GALNT4: variants seen among roughly 807,000 people sequenced by gnomAD.
The protein encoded by GALNT4 is UDP-GalNAc:polypeptide N-acetylgalactosaminyltransferase 4.
A neutral mutation model predicts 45.1 loss-of-function variants in GALNT4; 23 were observed. That is an observed-to-expected ratio of 0.51 (90% CI 0.37 to 0.72). The LOEUF (loss-of-function observed/expected upper bound fraction) is 0.72. GALNT4 is among the 30% of genes least tolerant of loss of function. The pLI is 0.00. For synonymous variants in GALNT4, 264 were observed against 257.6 expected (o/e 1.02, Z -0.24); for missense variants, 757 against 709.0 (o/e 1.07, Z -0.77).
Position 89,522,738 on chromosome 12 carries a change from T to C in GALNT4, c.*75A>G, listed in dbSNP as rs1870989003. 2 of 1,497,844 alleles carry C rather than the reference T, an allele frequency of 1.3e-6. No individual in the cohort carries two copies. Among genetic ancestry groups the C allele is most frequent in the Non-Finnish European group, 1.8e-6 (2 of 1,125,032 alleles). The allele number at this position is 1,497,844 out of a possible 1,614,324, so 92.8% of individuals were successfully genotyped here. A position where few individuals can be genotyped will look rare whatever the true frequency, so the allele number is the denominator to read the frequency against. On this transcript the variant is annotated 3_prime_UTR_variant, in exon 1 of 1. Transcript: ENST00000529983. ...TGGCTTTTGATAAAATAAAATACAA[T>C]CTTCACTGAGGCTCTTAAGGCTCTT...
Position 89,522,018 on chromosome 12 carries a change from T to C in GALNT4, c.*795A>G, listed in dbSNP as rs1223484978. On this transcript the variant is annotated 3_prime_UTR_variant, in exon 1 of 1. Transcript: ENST00000529983. Reference sequence around the variant, plus strand: ...TCTGGATGAGTCCCTTTCTAGTACATTCATAACTTAAGGAAGTGCAATCAG... The same window carrying C: ...TCTGGATGAGTCCCTTTCTAGTACACTCATAACTTAAGGAAGTGCAATCAG... The C allele has an allele frequency of 3.8e-5, 15 of 398,818 alleles. No individual in the cohort carries two copies. In the East Asian group the frequency reaches 5.0e-4, roughly 13 times the overall value. The allele number at this position is 398,818 out of a possible 1,614,324, so 24.7% of individuals were successfully genotyped here.
rs1870759830 is a variant in GALNT4, at chr12:89,520,510, TA to T, written c.*2302del. 1 of 152,178 alleles carries T rather than the reference TA, an allele frequency of 6.6e-6. No homozygotes were observed. Among genetic ancestry groups the T allele is most frequent in the Admixed American group, 6.5e-5 (1 of 15,284 alleles). 9.4% of individuals were successfully genotyped at this position (152,178 alleles called of 1,614,324 possible). A position where few individuals can be genotyped will look rare whatever the true frequency, so the allele number is the denominator to read the frequency against. ...TTCGAAAAATTCAGAGCATTATTAT[TA>T]ATCCTTCTTAAATTAAATGCAGGGC... On this transcript the variant is annotated 3_prime_UTR_variant, in exon 1 of 1. Coordinates refer to ENST00000529983, the MANE Select transcript of GALNT4 (RefSeq NM_003774.5).
In GALNT4 at chr12:89,523,432, G is replaced by C. The variant is rs965876343; in HGVS notation, c.1118C>G (p.Pro373Arg). The C allele has an allele frequency of 6.2e-7, 1 of 1,613,980 alleles. No homozygotes were observed. The highest frequency in any genetic ancestry group is 1.3e-5 in the African/African-American group (1 of 75,010). The change falls in exon 1 of 1, where the codon CCC becomes CGC. Residue 373 changes from proline to arginine, a missense_variant. Pro to Arg is a moderately radical substitution (Grantham distance 103). Transcript: ENST00000529983. ...VFPKRAPYARPNFLQNTARAA... is the reference protein window; with the variant it reads ...VFPKRAPYARRNFLQNTARAA... ...CCGAGCAGTATTCTGTAGGAAATTG[G>C]GGCGAGCATATGGTGCCCGCTTGGG...
At position 89,520,005 on chromosome 12, in the gene GALNT4, C is replaced by T. The variant is rs895263928; in HGVS notation, c.*2808G>A. ...AAGAGAGCTTTGGTACCAATAAATT[C>T]GAATTAGGGAATCGGTTTTTTTAGA... On this transcript the variant is annotated 3_prime_UTR_variant, in exon 1 of 1. Transcript: ENST00000529983. The T allele has an allele frequency of 6.6e-6, 1 of 151,990 alleles. No individual in the cohort carries two copies. Among genetic ancestry groups the T allele is most frequent in the Non-Finnish European group, 1.5e-5 (1 of 67,990 alleles). The allele number at this position is 151,990 out of a possible 1,614,324, so 9.4% of individuals were successfully genotyped here.
rs888929242 is a variant in GALNT4 at position 89,520,833 on chromosome 12, T to C, written c.*1980A>G. ...ATAAATCTAGGCCAAAGTGAACTAA[T>C]TGAGATTTAATTCTAAATTCATCCT... On this transcript the variant is annotated 3_prime_UTR_variant, in exon 1 of 1. Coordinates refer to ENST00000529983, the MANE Select transcript of GALNT4 (RefSeq NM_003774.5). 3 of 152,196 alleles carry C rather than the reference T, an allele frequency of 2.0e-5. No homozygotes were observed. Among genetic ancestry groups the C allele is most frequent in the Admixed American group, 1.3e-4 (2 of 15,278 alleles). The allele number at this position is 152,196 out of a possible 1,614,324, so 9.4% of individuals were successfully genotyped here.
rs1202694728 is a variant in GALNT4, at chr12:89,519,735, G to A, written c.*3078C>T. Reference sequence around the variant, plus strand: ...AATGAATATGCAGGAACTTACTAATGGGTAAGTAAACAAATTTTCTTTTAC... The same window carrying A: ...AATGAATATGCAGGAACTTACTAATAGGTAAGTAAACAAATTTTCTTTTAC... On this transcript the variant is annotated 3_prime_UTR_variant, in exon 1 of 1. Coordinates refer to ENST00000529983, the MANE Select transcript of GALNT4 (RefSeq NM_003774.5). 1 of 152,358 alleles carries A rather than the reference G, an allele frequency of 6.6e-6. No homozygotes were observed. Among genetic ancestry groups the A allele is most frequent in the East Asian group, 1.9e-4 (1 of 5,180 alleles). 9.4% of individuals were successfully genotyped at this position (152,358 alleles called of 1,614,324 possible).
chr12:89,523,023 T>C lies in GALNT4; in HGVS notation c.1527A>G (p.Gln509=), dbSNP rs115797639. Reference sequence around the variant, plus strand: ...AATTTTGCATTCCCACATAATTTTTTTGCTCAGGTACCTCTGCACATAACT... The same window carrying C: ...AATTTTGCATTCCCACATAATTTTTCTGCTCAGGTACCTCTGCACATAACT... ...VTELCAEVPE[Q]KNYVGMQNCP... is the part of the protein sequence containing the mutation. The change falls in exon 1 of 1, where the codon CAA becomes CAG. Residue 509 remains glutamine (Q), a synonymous_variant. Coordinates refer to ENST00000529983, the MANE Select transcript of GALNT4 (RefSeq NM_003774.5). The C allele has an allele frequency of 1.1e-3, 1,722 of 1,613,886 alleles. 20 individuals carry two copies. The African/African-American group carries it at 0.019, about 18-fold the overall frequency.
In GALNT4 at chr12:89,523,963, A is replaced by C. The variant is rs150780155; in HGVS notation, c.587T>G (p.Val196Gly). 70 of 1,613,796 alleles carry C rather than the reference A, an allele frequency of 4.3e-5. No individual in the cohort carries two copies. The African/African-American group carries it at 7.7e-4, about 18-fold the overall frequency. ...LETYISNLDR[V>G]RLIRTNKREG... ...TCGCTTATTGGTCCTAATCAAGCGT[A>C]CTCTATCAAGATTGCTGATGTAAGT... The change falls in exon 1 of 1, where the codon GTA becomes GGA. Residue 196 changes from valine to glycine, a missense_variant. Transcript: ENST00000529983.
In GALNT4 at chr12:89,523,754, A is replaced by G; in HGVS notation, c.796T>C (p.Phe266Leu). The G allele has an allele frequency of 6.5e-7, 1 of 1,541,110 alleles. No homozygotes were observed. The highest frequency in any genetic ancestry group is 8.7e-7 in the Non-Finnish European group (1 of 1,150,594). The change falls in exon 1 of 1, where the codon TTC becomes CTC. Residue 266 changes from phenylalanine to leucine, a missense_variant. Phe to Leu is a conservative substitution (Grantham distance 22). Coordinates refer to ENST00000529983, the MANE Select transcript of GALNT4 (RefSeq NM_003774.5). ...IDTIDWNTFE[F>L]YMQIGEPMIG... The stretch of plus-strand genomic sequence containing the variant: ...ATGGGCTCCCCTATCTGCATATAGA[A>G]TTCAAAAGTATTCCAATCAATTGTG...
rs1439127857 is a variant in GALNT4 at position 89,524,582 on chromosome 12, C to T, written c.-33G>A. ...CTCAGGGCTGAGGCGCAGACGCGGC[C>T]ACCAAGCCACCACGCAGGGGAAGGG... On this transcript the variant is annotated 5_prime_UTR_variant, in exon 1 of 1. The change creates a premature stop within an existing upstream ORF in the 5' untranslated region. Coordinates refer to ENST00000529983, the MANE Select transcript of GALNT4 (RefSeq NM_003774.5). 6.2e-7 allele frequency: 1 copy of T among 1,607,094 alleles called. No individual in the cohort carries two copies. The highest frequency in any genetic ancestry group is 8.5e-7 in the Non-Finnish European group (1 of 1,178,108).
In GALNT4 at chr12:89,519,798, A is replaced by C. The variant is rs1469140508; in HGVS notation, c.*3015T>G. 1.3e-5 allele frequency: 1 copy of C among 75,662 alleles called. No homozygotes were observed. Among genetic ancestry groups the C allele is most frequent in the African/African-American group, 4.9e-5 (1 of 20,324 alleles). 4.7% of individuals were successfully genotyped at this position (75,662 alleles called of 1,614,324 possible). Reference sequence around the variant, plus strand: ...TTGAGTTATAGGGATCCTCCTGGTGACTAGATTTTTTTTAATGACTAAAAA... The same window carrying C: ...TTGAGTTATAGGGATCCTCCTGGTGCCTAGATTTTTTTTAATGACTAAAAA... On this transcript the variant is annotated 3_prime_UTR_variant, in exon 1 of 1. Transcript: ENST00000529983.
Position 89,522,121 on chromosome 12 carries a change from A to T in GALNT4, c.*692T>A, listed in dbSNP as rs1411332951. Reference sequence around the variant, plus strand: ...AGAGGAATCTGAGGTATTAATATATACATCAGTGAAGTCCAATAGCTCAAG... The same window carrying T: ...AGAGGAATCTGAGGTATTAATATATTCATCAGTGAAGTCCAATAGCTCAAG... On this transcript the variant is annotated 3_prime_UTR_variant, in exon 1 of 1. Coordinates refer to ENST00000529983, the MANE Select transcript of GALNT4 (RefSeq NM_003774.5). 2 of 398,888 alleles carry T rather than the reference A, an allele frequency of 5.0e-6. No individual in the cohort carries two copies. Among genetic ancestry groups the T allele is most frequent in the African/African-American group, 4.1e-5 (2 of 48,624 alleles). The allele number at this position is 398,888 out of a possible 1,614,324, so 24.7% of individuals were successfully genotyped here.
rs3759319 is a variant in GALNT4, at chr12:89,522,152, A to G, written c.*661T>C. The G allele has an allele frequency of 1.7e-3, 693 of 398,950 alleles. 9 individuals are homozygous for G. The East Asian group carries it at 0.022, about 13-fold the overall frequency. 24.7% of individuals were successfully genotyped at this position (398,950 alleles called of 1,614,324 possible). On this transcript the variant is annotated 3_prime_UTR_variant, in exon 1 of 1. Coordinates refer to ENST00000529983, the MANE Select transcript of GALNT4 (RefSeq NM_003774.5). ...GTGAAGTCCAATAGCTCAAGTTTAC[A>G]AAGTACGGAATGTAAATATCTCCCC...
Position 89,523,245 on chromosome 12 carries a change from T to A in GALNT4, c.1305A>T (p.Leu435Phe). 6.2e-7 allele frequency: 1 copy of A among 1,614,034 alleles called. No homozygotes were observed. Among genetic ancestry groups the A allele is most frequent in the Non-Finnish European group, 8.5e-7 (1 of 1,179,906 alleles). Residue 435 changes from leucine to phenylalanine, a missense_variant, in exon 1 of 1, where the codon TTA becomes TTT. Coordinates refer to ENST00000529983, the MANE Select transcript of GALNT4 (RefSeq NM_003774.5). ...DWYLKNVFPN[L>F]HVPEDRPGWH... ...AGCCTGGTCTATCCTCTGGAACATG[T>A]AAATTAGGAAAAACGTTTTTCAAAT...
Position 89,522,975 on chromosome 12 carries a change from T to A in GALNT4, c.1575A>T (p.Val525=), listed in dbSNP as rs908607843. The A allele has an allele frequency of 6.2e-7, 1 of 1,613,930 alleles. No homozygotes were observed. The highest frequency in any genetic ancestry group is 1.3e-5 in the African/African-American group (1 of 74,930). Reference sequence around the variant, plus strand: ...TAAAATGCCAAATAATGTTTGCTGGTACAGGGAACCCATCTTTGGGACAAT... The same window carrying A: ...TAAAATGCCAAATAATGTTTGCTGGAACAGGGAACCCATCTTTGGGACAAT... ...MQNCPKDGFP[V]PANIIWHFKE... Residue 525 remains valine, a synonymous_variant, in exon 1 of 1, where the codon GTA becomes GTT. Coordinates refer to ENST00000529983, the MANE Select transcript of GALNT4 (RefSeq NM_003774.5).
In GALNT4 at chr12:89,520,247, G is replaced by T. The variant is rs12815434; in HGVS notation, c.*2566C>A. ...GGGCAAAAAGTCAATAAAGAATTAAGGTACTTTATTTTTAAAAGCCTCATT... is the reference window on the plus strand; with the variant it reads ...GGGCAAAAAGTCAATAAAGAATTAATGTACTTTATTTTTAAAAGCCTCATT... On this transcript the variant is annotated 3_prime_UTR_variant, in exon 1 of 1. Transcript: ENST00000529983. The T allele has an allele frequency of 6.6e-6, 1 of 151,936 alleles. No individual in the cohort carries two copies. Among genetic ancestry groups the T allele is most frequent in the African/African-American group, 2.4e-5 (1 of 41,384 alleles). The allele number at this position is 151,936 out of a possible 1,614,324, so 9.4% of individuals were successfully genotyped here.
In GALNT4 at chr12:89,520,018, C is replaced by T. The variant is rs1870715292; in HGVS notation, c.*2795G>A. 6.6e-6 allele frequency: 1 copy of T among 151,992 alleles called. No homozygotes were observed. Among genetic ancestry groups the T allele is most frequent in the African/African-American group, 2.4e-5 (1 of 41,356 alleles). The allele number at this position is 151,992 out of a possible 1,614,324, so 9.4% of individuals were successfully genotyped here. On this transcript the variant is annotated 3_prime_UTR_variant, in exon 1 of 1. Coordinates refer to ENST00000529983, the MANE Select transcript of GALNT4 (RefSeq NM_003774.5). Reference sequence around the variant, plus strand: ...TACCAATAAATTCGAATTAGGGAATCGGTTTTTTTAGATGTAGAATTACAG... The same window carrying T: ...TACCAATAAATTCGAATTAGGGAATTGGTTTTTTTAGATGTAGAATTACAG...
rs370187978 is a variant in GALNT4, at chr12:89,521,734, G to T, written c.*1079C>A. On this transcript the variant is annotated 3_prime_UTR_variant, in exon 1 of 1. Coordinates refer to ENST00000529983, the MANE Select transcript of GALNT4 (RefSeq NM_003774.5). Reference sequence around the variant, plus strand: ...TTCATTCACCCACTTACTGAAAGCTGCCTAAGTGCCAGGCTCGGTGCTAGG... The same window carrying T: ...TTCATTCACCCACTTACTGAAAGCTTCCTAAGTGCCAGGCTCGGTGCTAGG... The T allele has an allele frequency of 9.3e-5, 30 of 322,108 alleles. No homozygotes were observed. The highest frequency in any genetic ancestry group is 5.9e-4 in the African/African-American group (28 of 47,386). The allele number at this position is 322,108 out of a possible 1,614,324, so 20.0% of individuals were successfully genotyped here.
Position 89,522,717 on chromosome 12 carries a change from T to C in GALNT4, c.*96A>G, listed in dbSNP as rs1211052186. 6.8e-7 allele frequency: 1 copy of C among 1,478,264 alleles called. No homozygotes were observed. Among genetic ancestry groups the C allele is most frequent in the Non-Finnish European group, 9.0e-7 (1 of 1,112,294 alleles). 91.6% of individuals were successfully genotyped at this position (1,478,264 alleles called of 1,614,324 possible). On this transcript the variant is annotated 3_prime_UTR_variant, in exon 1 of 1. Coordinates refer to ENST00000529983, the MANE Select transcript of GALNT4 (RefSeq NM_003774.5). ...GCTCCACAGATGACTGCTAGGTGGC[T>C]TTTGATAAAATAAAATACAATCTTC...
Sources: allele counts gnomAD v4.1 joint callset, GRCh38; gene constraint gnomAD v4.1.1; transcripts MANE v1.5; gene names NCBI Gene and HGNC (gene_info 2026-07-23, HGNC 2026-07-21).